TFEC: variants seen among roughly 807,000 people sequenced by gnomAD.
TFEC encodes the protein transcription factor EC, also known as class E basic helix-loop-helix protein 34.
Under a neutral mutation model 41.6 loss-of-function variants are expected in TFEC, and 31 were observed. That is an observed-to-expected ratio of 0.74 (90% CI 0.56 to 1.01). The LOEUF (loss-of-function observed/expected upper bound fraction) is 1.01. TFEC is among the 50% of genes least tolerant of loss of function. TFEC has a pLI of 0.00. For missense variants in TFEC, 402 were observed against 404.1 expected (o/e 0.99, Z 0.04); for synonymous variants, 143 against 140.6 (o/e 1.02, Z -0.12).
chr7:116,110,844 C>T (rs1797838098), exon 3 of TFEC: 1 of 1,545,216 alleles, frequency 6.5e-7, no homozygotes, highest in Non-Finnish European at 8.7e-7. Flanking sequence ...TTGAAGTCTT[C>T]TCTCCTTTTC....
chr7:115,940,864 C>A lies in TFEC; in HGVS notation c.731G>T (p.Gly244Val). The A allele has an allele frequency of 6.2e-7, 1 of 1,612,974 alleles. No individual in the cohort carries two copies. Among genetic ancestry groups the A allele is most frequent in the Non-Finnish European group, 8.5e-7 (1 of 1,179,322 alleles). ...GCTCTGCTGTTTGGTGACATGAGCA[C>A]CTAAATCAACCGTGCCAAGTGAAGC... ...TLASLGTVDL[G>V]AHVTKQQSHP... Residue 244 changes from glycine (G) to valine (V), a missense_variant, in exon 8 of 8, where the codon GGT becomes GTT. Transcript: ENST00000265440.
intron 1 of TFEC, among the ~76,000 whole-genome samples, chr7:116,154,810 T>C (rs1798833543): frequency 6.6e-6 from 1 of 152,182 alleles, no homozygotes; most frequent in African/African-American, 2.4e-5. Context: ...TGGTGCAAGA[T>C]TAGAGGGTAG....
At chr7:116,118,574 C>T (rs910839168) in intron 1 of TFEC, among the ~76,000 whole-genome samples, 1 of 151,722 alleles carries the variant, frequency 6.6e-6, no homozygotes, top group African/African-American at 2.4e-5. Flanking sequence ...TGCACCTACA[C>T]ACAATTGTTC....
chr7:116,105,577 T>C (rs1322479804), intron 3 of TFEC, among the ~76,000 whole-genome samples: 1 of 152,166 alleles, frequency 6.6e-6, no homozygotes, highest in Non-Finnish European at 1.5e-5. Flanking sequence ...TCCAGATCCG[T>C]TGGCATTGAC....
At chr7:116,011,627 C>T (rs1283634313) in intron 1 of TFEC, among the ~76,000 whole-genome samples, 2 of 152,020 alleles carry the variant, frequency 1.3e-5, no homozygotes. Context: ...TATTACTAAG[C>T]ATATTTATAT....
At chr7:116,090,565 A>G (rs1010457386) in intron 3 of TFEC, among the ~76,000 whole-genome samples, 2 of 152,166 alleles carry the variant, frequency 1.3e-5, no homozygotes, top group African/African-American at 4.8e-5. Context: ...GTGTCAAACT[A>G]TCACACAGAC....
At chr7:115,954,736 A>T (rs1441723680) in intron 4 of TFEC, 94 bp from the exon 5 acceptor site, 1 of 922,672 alleles carries the variant, frequency 1.1e-6, no homozygotes, top group African/African-American at 1.7e-5. Context: ...AAAATAAAAT[A>T]TTATTTGCTC....
At chr7:115,969,282 G>A (rs1793021540) in intron 3 of TFEC, among the ~76,000 whole-genome samples, 2 of 151,754 alleles carry the variant, frequency 1.3e-5, no homozygotes, top group Admixed American at 1.3e-4. Context: ...CATTCTACAG[G>A]GGGAAGCATA....
intron 1 of TFEC, among the ~76,000 whole-genome samples, chr7:115,992,508 A>T (rs1794168131): frequency 6.6e-6 from 1 of 152,206 alleles, no homozygotes; most frequent in Non-Finnish European, 1.5e-5. Context: ...GATGCAATAA[A>T]AAATAATAAA....
intron 3 of TFEC, among the ~76,000 whole-genome samples, chr7:116,061,752 A>C (rs1373577315): frequency 6.6e-6 from 1 of 152,156 alleles, no homozygotes; most frequent in Non-Finnish European, 1.5e-5. Context: ...CCCTAAATTT[A>C]ATACAAACAG....
intron 1 of TFEC, among the ~76,000 whole-genome samples, chr7:116,003,251 TA>T (rs5886802): frequency 0.7 from 105,134 of 150,550 alleles, 36,701 homozygotes; most frequent in African/African-American, 0.73. Flanking sequence ...ACTTTAAATT[TA>T]AAAAAAAAAA....
At chr7:116,054,166 T>C (rs1796377353) in intron 3 of TFEC, among the ~76,000 whole-genome samples, 1 of 152,044 alleles carries the variant, frequency 6.6e-6, no homozygotes, top group South Asian at 2.1e-4. Flanking sequence ...TAAGAACACC[T>C]AGGAGGAAGG....
At chr7:115,962,276 G>T (rs1159619463) in intron 3 of TFEC, among the ~76,000 whole-genome samples, 3 of 151,774 alleles carry the variant, frequency 2.0e-5, no homozygotes, top group Non-Finnish European at 2.9e-5. Flanking sequence ...ATCTAAAGCA[G>T]TCTAAAACTC....
At chr7:115,996,435 C>A (rs767561226) in intron 1 of TFEC, among the ~76,000 whole-genome samples, 16 of 152,012 alleles carry the variant, frequency 1.1e-4, no homozygotes, top group Non-Finnish European at 1.5e-4. Flanking sequence ...ACTACCCAGG[C>A]AGTACTTGTG....
At chr7:116,113,454 C>A (rs1797902156) in intron 1 of TFEC, among the ~76,000 whole-genome samples, 7 of 151,972 alleles carry the variant, frequency 4.6e-5, no homozygotes, top group Admixed American at 4.6e-4. Context: ...CTCCTGCTGA[C>A]AACTTGATTT....
intron 3 of TFEC, among the ~76,000 whole-genome samples, chr7:116,073,658 T>C (rs1466478569): frequency 6.6e-6 from 1 of 151,888 alleles, no homozygotes. Context: ...GGAAAGTCAA[T>C]GGACCCAGAA....
Position 115,939,600 on chromosome 7 carries a change from T to A in TFEC, c.*951A>T. 1 of 152,110 alleles carries A rather than the reference T, an allele frequency of 6.6e-6. No homozygotes were observed. Among genetic ancestry groups the A allele is most frequent in the East Asian group, 1.9e-4 (1 of 5,160 alleles). 9.4% of individuals were successfully genotyped at this position (152,110 alleles called of 1,614,324 possible). ...ATTTCTGTCCAATACTGATGAAAAGTTTTAAGTACCTGAAAACTGTCCTTG... is the reference window on the plus strand; with the variant it reads ...ATTTCTGTCCAATACTGATGAAAAGATTTAAGTACCTGAAAACTGTCCTTG... On this transcript the variant is annotated 3_prime_UTR_variant, in exon 8 of 8. Coordinates refer to ENST00000265440, the MANE Select transcript of TFEC (RefSeq NM_012252.4).
At chr7:116,054,829 C>T (rs1404243) in intron 3 of TFEC, among the ~76,000 whole-genome samples, 151,817 of 152,232 alleles carry the variant, frequency 1, 75,704 homozygotes, top group Middle Eastern at 1. Context: ...ACAGGCTGAA[C>T]TCCTAAACTG....
rs567950619 is a variant in TFEC at position 116,070,093 on chromosome 7, G to C, written c.198+40615C>G. On this transcript the variant is annotated intron_variant, in intron 3 of 8. Transcript: ENST00000484212. The stretch of plus-strand genomic sequence containing the variant: ...CATTTATGTCTTTACATAAATATAT[G>C]CATATACAAAGCAATATAAAAACAA... Among the ~76,000 whole-genome samples the C allele has an allele frequency of 5.3e-5, 8 of 151,216 alleles. No homozygotes were observed. In the South Asian group the frequency reaches 1.5e-3, roughly 27 times the overall value.
Sources: allele counts gnomAD v4.1 joint callset (sites outside exome capture counted in the v4.1 genomes callset), GRCh38; gene constraint gnomAD v4.1.1; transcripts MANE v1.5; gene names NCBI Gene and HGNC (gene_info 2026-07-23, HGNC 2026-07-21).